GFOD1: variants seen among roughly 807,000 people sequenced by gnomAD.
GFOD1 encodes glucose-fructose oxidoreductase domain-containing protein 1.
In GFOD1, 9 loss-of-function variants were observed where a neutral mutation model predicts 25.4. That is an observed-to-expected ratio of 0.35 (90% confidence interval 0.21 to 0.62). GFOD1 has a LOEUF of 0.62. Among genes scored for constraint, GFOD1 ranks in the 20% least tolerant of loss-of-function variants. The probability of loss-of-function intolerance (pLI) is 0.72; values close to 1 mark genes in which losing one functional copy is unlikely to be tolerated. For missense variants in GFOD1, 403 were observed against 556.9 expected, an observed-to-expected ratio of 0.72 and a Z score of 2.78; for synonymous variants, 253 against 245.6, an observed-to-expected ratio of 1.03 and a Z score of -0.28.
intron 1 of GFOD1, among the ~76,000 whole-genome samples, chr6:13,467,148 C>A (rs1758392689): frequency 6.6e-6 from 1 of 150,720 alleles, no homozygotes; most frequent in Non-Finnish European, 1.5e-5. Flanking sequence ...GCCAAGTGAA[C>A]CAACCATATG....
At chr6:13,392,287 C>T (rs369985062) in intron 1 of GFOD1, among the ~76,000 whole-genome samples, 14 of 144,598 alleles carry the variant, frequency 9.7e-5, no homozygotes, top group South Asian at 2.2e-4. Context: ...CACTTGAGCA[C>T]GGGAGGCAGA....
At chr6:13,456,409 A>C (rs1231532995) in intron 1 of GFOD1, among the ~76,000 whole-genome samples, 1 of 152,100 alleles carries the variant, frequency 6.6e-6, no homozygotes, top group Non-Finnish European at 1.5e-5. Flanking sequence ...TCCTGAGTTC[A>C]AGTGATCCAC....
chr6:13,450,200 T>C (rs1414339940), intron 1 of GFOD1, among the ~76,000 whole-genome samples: 2 of 152,188 alleles, frequency 1.3e-5, no homozygotes, highest in Non-Finnish European at 2.9e-5. Flanking sequence ...ATTTGGATTC[T>C]AGGTGGGGCT....
In GFOD1 at chr6:13,359,657, T is replaced by C. The variant is rs1473767455; in HGVS notation, c.*5086A>G. 3 of 152,216 alleles carry C rather than the reference T, an allele frequency of 2.0e-5. No individual in the cohort carries two copies. The highest frequency in any genetic ancestry group is 7.2e-5 in the African/African-American group (3 of 41,450). 9.4% of individuals were successfully genotyped at this position (152,216 alleles called of 1,614,324 possible). On this transcript the variant is annotated 3_prime_UTR_variant, in exon 2 of 2. Transcript: ENST00000379287. ...ACATAATTGAATTTATTTTAAAAAA[T>C]GGATTTCCCGGCTGGGCACGGTGGA...
Position 13,365,616 on chromosome 6 carries a change from G to C in GFOD1, c.300C>G (p.Asp100Glu). 1 of 1,601,784 alleles carries C rather than the reference G, an allele frequency of 6.2e-7. No homozygotes were observed. The highest frequency in any genetic ancestry group is 8.5e-7 in the Non-Finnish European group (1 of 1,179,142). ...VICDRTATPL[D>E]AFRMTSAAHY... Reference sequence around the variant, plus strand: ...GGGCGGCCGAGGTCATGCGGAAAGCGTCCAGCGGCGTGGCCGTGCGGTCGC... The same window carrying C: ...GGGCGGCCGAGGTCATGCGGAAAGCCTCCAGCGGCGTGGCCGTGCGGTCGC... The change falls in exon 2 of 2, where the codon GAC becomes GAG. Residue 100 changes from aspartate to glutamate, a missense_variant. Coordinates refer to ENST00000379287, the MANE Select transcript of GFOD1 (RefSeq NM_018988.4). The surrounding 1 kb of genome is among the most constrained non-coding windows in gnomAD (Gnocchi z 9.2).
chr6:13,370,480 C>T (rs756427800), intron 1 of GFOD1, among the ~76,000 whole-genome samples: 3 of 151,992 alleles, frequency 2.0e-5, no homozygotes, highest in South Asian at 2.1e-4. Flanking sequence ...AGACCCTTCA[C>T]GAATTGCTAA....
intron 1 of GFOD1, among the ~76,000 whole-genome samples, chr6:13,401,185 T>C (rs917782405): frequency 2.0e-5 from 3 of 152,124 alleles, no homozygotes; most frequent in African/African-American, 7.2e-5. Flanking sequence ...TTTAAACCCT[T>C]AAAGCACAAA....
At chr6:13,393,426 A>T (rs1785656883) in intron 1 of GFOD1, among the ~76,000 whole-genome samples, 1 of 149,142 alleles carries the variant, frequency 6.7e-6, no homozygotes, top group South Asian at 2.1e-4. Context: ...AGAAGCCTTT[A>T]TAGTCATGCC....
intron 1 of GFOD1, among the ~76,000 whole-genome samples, chr6:13,477,082 G>A (rs1423267125): frequency 5.3e-5 from 8 of 152,078 alleles, no homozygotes; most frequent in African/African-American, 1.4e-4. Flanking sequence ...ACCCACCAGC[G>A]GAACTAACCA....
intron 1 of GFOD1, chr6:13,470,281 G>A: frequency 6.3e-7 from 1 of 1,589,180 alleles, no homozygotes; most frequent in Non-Finnish European, 8.6e-7. Flanking sequence ...AATCCCCCAT[G>A]CCAGCAGGCT....
chr6:13,408,676 C>G (rs193218350), intron 1 of GFOD1, among the ~76,000 whole-genome samples: 1 of 152,264 alleles, frequency 6.6e-6, no homozygotes, highest in African/African-American at 2.4e-5. Context: ...TCTGTGCTCA[C>G]CCGGGTAACA....
At chr6:13,403,510 G>T (rs1417566618) in intron 1 of GFOD1, among the ~76,000 whole-genome samples, 1 of 152,196 alleles carries the variant, frequency 6.6e-6, no homozygotes, top group Non-Finnish European at 1.5e-5. Context: ...TGTATAGCAT[G>T]TTATTGCACT....
chr6:13,433,897 T>C (rs1477667587), intron 1 of GFOD1, among the ~76,000 whole-genome samples: 1 of 152,224 alleles, frequency 6.6e-6, no homozygotes, highest in Non-Finnish European at 1.5e-5. Flanking sequence ...CCTGTTCCAG[T>C]TCCCAAAGGC....
intron 1 of GFOD1, among the ~76,000 whole-genome samples, chr6:13,372,453 C>T (rs1785171596): frequency 1.3e-5 from 2 of 152,186 alleles, no homozygotes; most frequent in Non-Finnish European, 2.9e-5. Flanking sequence ...GCCCTTCAGG[C>T]AGCTGCTCCC....
intron 1 of GFOD1, among the ~76,000 whole-genome samples, chr6:13,366,907 G>A (rs1389627985): frequency 6.6e-6 from 1 of 151,780 alleles, no homozygotes; most frequent in East Asian, 1.9e-4. Context: ...ATTTGCTAAG[G>A]TAGTATAAAA....
chr6:13,481,661 C>T (rs1376578911), intron 1 of GFOD1, among the ~76,000 whole-genome samples: 1 of 152,228 alleles, frequency 6.6e-6, no homozygotes, highest in East Asian at 1.9e-4. Flanking sequence ...CAAGACTGGA[C>T]CCAGGCAGGC....
chr6:13,361,202 C>T lies in GFOD1; in HGVS notation c.*3541G>A, dbSNP rs1229872207. 1 of 255,916 alleles carries T rather than the reference C, an allele frequency of 3.9e-6. No homozygotes were observed. The highest frequency in any genetic ancestry group is 7.8e-6 in the Non-Finnish European group (1 of 128,226). The allele number at this position is 255,916 out of a possible 1,614,324, so 15.9% of individuals were successfully genotyped here. On this transcript the variant is annotated 3_prime_UTR_variant, in exon 2 of 2. Coordinates refer to ENST00000379287, the MANE Select transcript of GFOD1 (RefSeq NM_018988.4). The stretch of plus-strand genomic sequence containing the variant: ...GCTAAGGGGGGTCTGGGGTGCCCTA[C>T]AATGCAATTGTCTGTTGAGAGGAGA...
chr6:13,453,988 T>C (rs537332531), intron 1 of GFOD1, among the ~76,000 whole-genome samples: 2 of 152,356 alleles, frequency 1.3e-5, no homozygotes, highest in South Asian at 4.1e-4. Context: ...GAAACAGAGT[T>C]GTGGCAGATG....
rs77291647 is a variant in GFOD1 at position 13,468,881 on chromosome 6, C to G, written c.253+17757G>C. On this transcript the variant is annotated intron_variant, in intron 1 of 1. Transcript: ENST00000379287. ...ACTTAATCAAAGCCCATTATGGAAC[C>G]AAATGTGTTTAAGCATATGGGAGCC... 5.2e-3 allele frequency among the ~76,000 whole-genome samples: 788 copies of G among 152,144 alleles called. 7 individuals are homozygous for G. The highest frequency in any genetic ancestry group is 0.018 in the African/African-American group (745 of 41,472).
Sources: allele counts gnomAD v4.1 joint callset (sites outside exome capture counted in the v4.1 genomes callset), GRCh38; gene constraint gnomAD v4.1.1; non-coding constraint Gnocchi (gnomAD v3.1); transcripts MANE v1.5; gene names NCBI Gene and HGNC (gene_info 2026-07-23, HGNC 2026-07-21).